ELMO1: variants seen among roughly 807,000 people sequenced by gnomAD.
The protein encoded by ELMO1 is engulfment and cell motility 1, also known as engulfment and cell motility protein 1.
Under a neutral mutation model 98.9 loss-of-function variants are expected in ELMO1, and 26 were observed. The ratio of observed to expected loss-of-function variants is 0.26; its 90% CI spans 0.19 to 0.36. The LOEUF is 0.36. ELMO1 is among the 10% of genes least tolerant of loss of function. The pLI is 1.00. For missense variants in ELMO1, 627 were observed against 935.2 expected, an observed-to-expected ratio of 0.67 and a Z score of 4.30; for synonymous variants, 346 against 346.0, an observed-to-expected ratio of 1.00 and a Z score of 0.00.
At position 37,431,362 on chromosome 7, in the gene ELMO1, TA is replaced by T. The variant is rs1023844207; in HGVS notation, c.-74+17312del. Among the ~76,000 whole-genome samples the T allele has an allele frequency of 2.0e-5, 3 of 152,044 alleles. No homozygotes were observed. The East Asian group carries it at 5.8e-4, about 29-fold the overall frequency. Reference sequence around the variant, plus strand: ...TAAAATAAAAAAAAATTAATTAATTTAAAAAAGAATAACTTGCACACAGGGC... The same window carrying T: ...TAAAATAAAAAAAAATTAATTAATTTAAAAAGAATAACTTGCACACAGGGC... On this transcript the variant is annotated intron_variant, in intron 1 of 21. Coordinates refer to ENST00000310758, the MANE Select transcript of ELMO1 (RefSeq NM_014800.11).
intron 4 of ELMO1, among the ~76,000 whole-genome samples, chr7:37,288,208 C>G (rs1333657545): frequency 6.7e-6 from 1 of 148,258 alleles, no homozygotes; most frequent in African/African-American, 2.5e-5. Flanking sequence ...GATCTGCCAG[C>G]CTTGGCCTCC....
chr7:37,163,675 T>A (rs1789401664), intron 13 of ELMO1, among the ~76,000 whole-genome samples: 1 of 152,210 alleles, frequency 6.6e-6, no homozygotes. Context: ...CATGAACTCA[T>A]TTTATGGCTG....
At chr7:37,315,569 A>G (rs1239320697) in intron 3 of ELMO1, among the ~76,000 whole-genome samples, 1 of 152,198 alleles carries the variant, frequency 6.6e-6, no homozygotes, top group Non-Finnish European at 1.5e-5. Flanking sequence ...TTCATCCTCT[A>G]TGGGGACCTG....
At chr7:37,443,127 C>T (rs895614873) in intron 1 of ELMO1, among the ~76,000 whole-genome samples, 9 of 152,166 alleles carry the variant, frequency 5.9e-5, no homozygotes, top group African/African-American at 2.2e-4. Flanking sequence ...GACTCCACCT[C>T]CACTGAGAGA....
chr7:37,237,073 T>G (rs1052298852), intron 7 of ELMO1, among the ~76,000 whole-genome samples: 1 of 152,222 alleles, frequency 6.6e-6, no homozygotes, highest in Non-Finnish European at 1.5e-5. Flanking sequence ...CTGCAAACTT[T>G]ACATGCTGGT....
At position 36,870,336 on chromosome 7, in the gene ELMO1, G is replaced by A; in HGVS notation, c.1905+57C>T. The A allele has an allele frequency of 6.6e-7, 1 of 1,523,726 alleles. No individual in the cohort carries two copies. The highest frequency in any genetic ancestry group is 1.1e-5 in the South Asian group (1 of 88,448). The allele number at this position is 1,523,726 out of a possible 1,614,324, so 94.4% of individuals were successfully genotyped here. A position where few individuals can be genotyped will look rare whatever the true frequency, so the allele number is the denominator to read the frequency against. ...GCTATAAAGGAGGGCTAGGCTGGCTGCAGTTGCCGACCGCACTGGGCAAAT... is the reference window on the plus strand; with the variant it reads ...GCTATAAAGGAGGGCTAGGCTGGCTACAGTTGCCGACCGCACTGGGCAAAT... On this transcript the variant is annotated intron_variant, in intron 20 of 21. Coordinates refer to ENST00000310758, the MANE Select transcript of ELMO1 (RefSeq NM_014800.11). The surrounding 1 kb of genome is among the most constrained non-coding windows in gnomAD (Gnocchi z 4.4).
At chr7:36,918,253 G>A (rs1784861964) in intron 16 of ELMO1, among the ~76,000 whole-genome samples, 2 of 152,126 alleles carry the variant, frequency 1.3e-5, no homozygotes, top group South Asian at 2.1e-4. Flanking sequence ...AAACATTGTT[G>A]AGTTCTTGTA....
chr7:37,171,771 C>T (rs562449742), intron 13 of ELMO1, among the ~76,000 whole-genome samples: 87 of 152,094 alleles, frequency 5.7e-4, no homozygotes, highest in Non-Finnish European at 1.0e-3. Flanking sequence ...GGATTACAGG[C>T]GTGAGCCACC....
intron 4 of ELMO1, among the ~76,000 whole-genome samples, chr7:37,298,267 A>G (rs1424932031): frequency 1.4e-5 from 2 of 147,178 alleles, no homozygotes; most frequent in Non-Finnish European, 3.0e-5. Context: ...GTAGGTGGAC[A>G]AGACTAGGAA....
At chr7:37,292,753 C>G (rs1412065883) in intron 4 of ELMO1, among the ~76,000 whole-genome samples, 4 of 100,732 alleles carry the variant, frequency 4.0e-5, no homozygotes, top group South Asian at 3.6e-4. Flanking sequence ...GTCAGCCCCC[C>G]GCCCGGCCAG....
intron 15 of ELMO1, among the ~76,000 whole-genome samples, chr7:37,053,943 A>G (rs1418434912): frequency 2.0e-5 from 3 of 152,176 alleles, no homozygotes; most frequent in Admixed American, 2.0e-4. Context: ...ATCTTTAATT[A>G]TGAAATAAAT....
intron 16 of ELMO1, among the ~76,000 whole-genome samples, chr7:36,968,598 A>AT (rs890704230): frequency 6.6e-6 from 1 of 152,094 alleles, no homozygotes; most frequent in African/African-American, 2.4e-5. Flanking sequence ...TCTCTATGTC[A>AT]TTTTCAATTA....
chr7:37,252,397 G>A (rs1174614090), intron 6 of ELMO1, among the ~76,000 whole-genome samples: 19 of 152,218 alleles, frequency 1.2e-4, no homozygotes. Flanking sequence ...TAGACCAATG[G>A]AACAGAACAA....
Position 36,939,170 on chromosome 7 carries a change from GT to G in ELMO1, c.1438-44154del, listed in dbSNP as rs796159852. On this transcript the variant is annotated intron_variant, in intron 16 of 21. Coordinates refer to ENST00000310758, the MANE Select transcript of ELMO1 (RefSeq NM_014800.11). ...GTATTTTAACACATTTAAGAAATGA[GT>G]TTTTTTTTTTTTATCTCCTAGCCAC... Among the ~76,000 whole-genome samples, 459 of 146,016 alleles carry G rather than the reference GT, an allele frequency of 3.1e-3. 3 individuals are homozygous for G. Among genetic ancestry groups the G allele is most frequent in the African/African-American group, 6.9e-3 (275 of 39,750 alleles).
chr7:37,016,201 G>A (rs1793919563), intron 15 of ELMO1, among the ~76,000 whole-genome samples: 1 of 152,046 alleles, frequency 6.6e-6, no homozygotes, highest in South Asian at 2.1e-4. Context: ...GCCAGAAAAA[G>A]CTGAGACTTG....
chr7:37,418,171 G>T (rs1466427109), intron 1 of ELMO1, among the ~76,000 whole-genome samples: 1 of 152,106 alleles, frequency 6.6e-6, no homozygotes, highest in Non-Finnish European at 1.5e-5. Flanking sequence ...CTTTCCACTT[G>T]ACCTGACCTA....
chr7:36,879,148 G>T (rs1022967390), intron 18 of ELMO1, among the ~76,000 whole-genome samples: 5 of 152,222 alleles, frequency 3.3e-5, no homozygotes, highest in Admixed American at 3.3e-4. Flanking sequence ...AATATTGATA[G>T]GAGAAGAGGA....
intron 15 of ELMO1, among the ~76,000 whole-genome samples, chr7:37,076,243 T>C (rs1476496487): frequency 6.6e-6 from 1 of 152,228 alleles, no homozygotes; most frequent in Non-Finnish European, 1.5e-5. Context: ...AGTTATTTTT[T>C]TTCCTATTTC....
chr7:36,976,043 A>G (rs1318648508), intron 16 of ELMO1, among the ~76,000 whole-genome samples: 3 of 152,196 alleles, frequency 2.0e-5, no homozygotes, highest in Non-Finnish European at 4.4e-5. Context: ...AATACTAAAT[A>G]TTTTAGGCTT....
Sources: gnomAD v4.1 joint callset for allele counts (sites outside exome capture counted in the v4.1 genomes callset) on GRCh38, gnomAD v4.1.1 for gene constraint, Gnocchi (gnomAD v3.1) non-coding constraint, MANE v1.5 for transcripts, NCBI Gene and HGNC (gene_info 2026-07-23, HGNC 2026-07-21) for gene names.